SNX13: variants seen among roughly 807,000 people sequenced by gnomAD.
The protein encoded by SNX13 is sorting nexin 13, also known as sorting nexin-13.
Under a neutral mutation model 133.6 loss-of-function variants are expected in SNX13, and 45 were observed. The observed-to-expected ratio is 0.34, with a 90% confidence interval of 0.27 to 0.43. The LOEUF is 0.43. Ranked by LOEUF, SNX13 falls within the 20% of genes least tolerant of loss-of-function variation. SNX13 has a pLI of 1.00. For synonymous variants in SNX13, 414 were observed against 373.9 expected (o/e 1.11, Z -1.24); for missense variants, 1,032 against 1,145.1 (o/e 0.90, Z 1.43).
intron 20 of SNX13, among the ~76,000 whole-genome samples, chr7:17,807,607 G>A (rs187733319): frequency 5.9e-4 from 90 of 152,336 alleles, no homozygotes; most frequent in African/African-American, 1.6e-3. Context: ...CACAGCGATC[G>A]AGCTCTGCTA....
chr7:17,827,680 C>G (rs974799751), intron 16 of SNX13, among the ~76,000 whole-genome samples: 1 of 151,890 alleles, frequency 6.6e-6, no homozygotes, highest in Non-Finnish European at 1.5e-5. Flanking sequence ...ATATCAACTA[C>G]TTTCTCGGAT....
intron 1 of SNX13, among the ~76,000 whole-genome samples, chr7:17,912,053 T>C (rs955595459): frequency 6.6e-6 from 1 of 152,194 alleles, no homozygotes; most frequent in Non-Finnish European, 1.5e-5. Context: ...CCTCAGCCAC[T>C]TGGAATTAGC....
In SNX13 at chr7:17,940,481, C is replaced by A. The variant is rs1392489861; in HGVS notation, c.-186G>T. 2 of 729,116 alleles carry A rather than the reference C, an allele frequency of 2.7e-6. No individual in the cohort carries two copies. The highest frequency in any genetic ancestry group is 2.4e-6 in the Non-Finnish European group (1 of 409,902). 45.2% of individuals were successfully genotyped at this position (729,116 alleles called of 1,614,324 possible). On this transcript the variant is annotated 5_prime_UTR_variant, in exon 1 of 26. The change abolishes an upstream ATG in the 5' untranslated region. Transcript: ENST00000428135. Reference sequence around the variant, plus strand: ...CGGTCGCTCGCGACGGACGCGCCGCCATCTTGGAAGAGCGACGTCCGCGTC... The same window carrying A: ...CGGTCGCTCGCGACGGACGCGCCGCAATCTTGGAAGAGCGACGTCCGCGTC...
rs150595370 is a variant in SNX13 at position 17,891,181 on chromosome 7, A to C, written c.318+365T>G. ...TAATTTTTTAATGTTTTTGCATCGG[A>C]TATTTCTTTTCCATTTTTTAAAAGG... is the stretch of plus-strand genomic sequence containing the variant. On this transcript the variant is annotated intron_variant, in intron 4 of 25. Coordinates refer to ENST00000428135, the MANE Select transcript of SNX13 (RefSeq NM_015132.5). Among the ~76,000 whole-genome samples, 4 of 152,114 alleles carry C rather than the reference A, an allele frequency of 2.6e-5. No individual in the cohort carries two copies. The East Asian group carries it at 7.7e-4, about 29-fold the overall frequency.
rs1456141574 is a variant in SNX13 at position 17,807,555 on chromosome 7, GT to G, written c.2065-3976del. Among the ~76,000 whole-genome samples, 9 of 152,328 alleles carry G rather than the reference GT, an allele frequency of 5.9e-5. No individual in the cohort carries two copies. The East Asian group carries it at 1.5e-3, about 26-fold the overall frequency. On this transcript the variant is annotated intron_variant, in intron 20 of 25. Coordinates refer to ENST00000428135, the MANE Select transcript of SNX13 (RefSeq NM_015132.5). ...GGGCGCAGTTGCAGCATGCTTAAACGTTCCTGCCTGCTGGCTCTGAAGAGAG... is the reference window on the plus strand; with the variant it reads ...GGGCGCAGTTGCAGCATGCTTAAACGTCCTGCCTGCTGGCTCTGAAGAGAG...
intron 9 of SNX13, 71 bp from the exon 10 acceptor site, chr7:17,851,035 G>A (rs1055487738): frequency 2.7e-6 from 4 of 1,474,382 alleles, no homozygotes; most frequent in African/African-American, 2.8e-5. Flanking sequence ...AATCTTGAGT[G>A]CCTACTATGT....
At chr7:17,887,102 CAG>C (rs765288316) in intron 5 of SNX13, among the ~76,000 whole-genome samples, 1 of 152,076 alleles carries the variant, frequency 6.6e-6, no homozygotes, top group Non-Finnish European at 1.5e-5. Flanking sequence ...TATAGAGGCA[CAG>C]AGTCAAGTGA....
intron 11 of SNX13, among the ~76,000 whole-genome samples, chr7:17,848,700 T>A (rs750745604): frequency 2.0e-5 from 3 of 152,152 alleles, no homozygotes; most frequent in African/African-American, 4.8e-5. Context: ...GTGAGTGGAG[T>A]TTGATCCCGC....
At chr7:17,912,842 C>A (rs892714899) in intron 1 of SNX13, among the ~76,000 whole-genome samples, 3 of 152,134 alleles carry the variant, frequency 2.0e-5, no homozygotes, top group Non-Finnish European at 2.9e-5. Flanking sequence ...GGGGAAAGGA[C>A]CCTCACAGTC....
At chr7:17,887,867 CCA>C (rs1349901706) in intron 5 of SNX13, among the ~76,000 whole-genome samples, 2 of 134,926 alleles carry the variant, frequency 1.5e-5, no homozygotes, top group African/African-American at 2.8e-5. Context: ...AAAAAAAAAA[CCA>C]CAGTTTTTTT....
At chr7:17,917,580 C>T (rs1315402464) in intron 1 of SNX13, among the ~76,000 whole-genome samples, 1 of 151,696 alleles carries the variant, frequency 6.6e-6, no homozygotes, top group Non-Finnish European at 1.5e-5. Context: ...CCTAGGAATA[C>T]AGCTAATCAA....
At chr7:17,914,964 C>T (rs577239454) in intron 1 of SNX13, among the ~76,000 whole-genome samples, 1 of 152,104 alleles carries the variant, frequency 6.6e-6, no homozygotes, top group East Asian at 1.9e-4. Flanking sequence ...CTTTTACTAC[C>T]TTTAAGAGAC....
At chr7:17,831,666 A>G in intron 15 of SNX13, 1 of 984,298 alleles carries the variant, frequency 1.0e-6, no homozygotes, top group Non-Finnish European at 1.2e-6. Context: ...CTGTACATTA[A>G]TCCCTAGGTT....
chr7:17,862,202 G>A (rs1019657801), intron 9 of SNX13, among the ~76,000 whole-genome samples: 3 of 152,170 alleles, frequency 2.0e-5, no homozygotes, highest in African/African-American at 7.2e-5. Context: ...TCCCATGAGT[G>A]AGAGATAACC....
chr7:17,841,586 A>ACACACACACACACG (rs1313704048), intron 12 of SNX13, among the ~76,000 whole-genome samples: 2 of 151,266 alleles, frequency 1.3e-5, no homozygotes, highest in African/African-American at 4.9e-5. Context: ...ACACACACGC[A>ACACACACACACACG]CACACACCCC....
Position 17,798,389 on chromosome 7 carries a change from C to CA in SNX13, c.2513+300dup, listed in dbSNP as rs1324156630. Among the ~76,000 whole-genome samples the CA allele has an allele frequency of 2.6e-5, 4 of 151,924 alleles. No individual in the cohort carries two copies. The East Asian group carries it at 7.7e-4, about 29-fold the overall frequency. On this transcript the variant is annotated intron_variant, in intron 24 of 25. Coordinates refer to ENST00000428135, the MANE Select transcript of SNX13 (RefSeq NM_015132.5). Reference sequence around the variant, plus strand: ...CCCCAAAACTAGATATTTGATGATACAACCATATCATTTTTAGGTGAATAT... The same window carrying CA: ...CCCCAAAACTAGATATTTGATGATACAAACCATATCATTTTTAGGTGAATAT...
intron 1 of SNX13, among the ~76,000 whole-genome samples, chr7:17,904,675 C>A (rs1477086250): frequency 6.6e-6 from 1 of 152,136 alleles, no homozygotes; most frequent in Non-Finnish European, 1.5e-5. Flanking sequence ...TGGCTTAAGG[C>A]TGCCAAACAG....
intron 12 of SNX13, among the ~76,000 whole-genome samples, chr7:17,841,668 C>T (rs1789919225): frequency 6.6e-6 from 1 of 151,086 alleles, no homozygotes; most frequent in South Asian, 2.1e-4. Flanking sequence ...TGAACAGAAA[C>T]TGTCCCCAAA....
In SNX13 at chr7:17,813,792, C is replaced by G. The variant is rs559479482; in HGVS notation, c.2064+1042G>C. 4.6e-5 allele frequency among the ~76,000 whole-genome samples: 7 copies of G among 151,864 alleles called. No individual in the cohort carries two copies. In the South Asian group the frequency reaches 1.3e-3, roughly 27 times the overall value. ...TTGTAGAGACAGGGTCTCGCTGTTACCAGGGTTAGTCTTGAACTCTTAGGC... is the reference window on the plus strand; with the variant it reads ...TTGTAGAGACAGGGTCTCGCTGTTAGCAGGGTTAGTCTTGAACTCTTAGGC... On this transcript the variant is annotated intron_variant, in intron 20 of 25. Coordinates refer to ENST00000428135, the MANE Select transcript of SNX13 (RefSeq NM_015132.5).
Sources: gnomAD v4.1 joint callset for allele counts (sites outside exome capture counted in the v4.1 genomes callset) on GRCh38, gnomAD v4.1.1 for gene constraint, MANE v1.5 for transcripts, NCBI Gene and HGNC (gene_info 2026-07-23, HGNC 2026-07-21) for gene names.